C18orf63: variants seen among roughly 807,000 people sequenced by gnomAD.
C18orf63 encodes uncharacterized protein C18orf63.
C18orf63 carries 50 observed loss-of-function variants against 75.3 expected under a neutral mutation model. The ratio of observed to expected loss-of-function variants is 0.66; its 90% CI spans 0.53 to 0.84. C18orf63 has a LOEUF of 0.84. Ranked by LOEUF, C18orf63 falls within the 40% of genes least tolerant of loss-of-function variation. C18orf63 has a pLI of 0.00. For synonymous variants in C18orf63, 232 were observed against 267.6 expected, an observed-to-expected ratio of 0.87 and a Z score of 1.30; for missense variants, 732 against 800.2, an observed-to-expected ratio of 0.91 and a Z score of 1.03.
intron 7 of C18orf63, among the ~76,000 whole-genome samples, 183 bp downstream of exon 7, chr18:74,331,125 A>G (rs566126032): frequency 6.6e-6 from 1 of 152,262 alleles, no homozygotes; most frequent in South Asian, 2.1e-4. Flanking sequence ...TGCTTCCCCA[A>G]AGAAAATATT....
chr18:74,321,279 TTCCC>T (rs1315561784), intron 3 of C18orf63, among the ~76,000 whole-genome samples: 1 of 152,076 alleles, frequency 6.6e-6, no homozygotes, highest in African/African-American at 2.4e-5. Flanking sequence ...ACCTCGTATT[TTCCC>T]TCCCTCCCTC....
At chr18:74,335,810 C>T (rs1390084893) in intron 7 of C18orf63, among the ~76,000 whole-genome samples, 2 of 152,038 alleles carry the variant, frequency 1.3e-5, no homozygotes, top group African/African-American at 4.8e-5. Flanking sequence ...AGAGCATGCA[C>T]ACATAAAACT....
Position 74,342,240 on chromosome 18 carries a change from G to A in C18orf63, c.709-1G>A, listed in dbSNP as rs1385938030. On this transcript the variant is annotated splice_acceptor_variant, in intron 9 of 13. Transcript: ENST00000579455. LOFTEE classifies it high-confidence loss of function. ...TTTAAAATTTTGTGCTTAATTTTTA[G>A]TATGGCTATAAACTTCCAGGTGATT... 3 of 1,519,240 alleles carry A rather than the reference G, an allele frequency of 2.0e-6. No individual in the cohort carries two copies. Among genetic ancestry groups the A allele is most frequent in the Non-Finnish European group, 8.8e-7 (1 of 1,132,062 alleles). 94.1% of individuals were successfully genotyped at this position (1,519,240 alleles called of 1,614,324 possible). A position where few individuals can be genotyped will look rare whatever the true frequency, so the allele number is the denominator to read the frequency against.
chr18:74,345,118 T>C (rs1024665319), intron 11 of C18orf63, among the ~76,000 whole-genome samples: 1 of 152,158 alleles, frequency 6.6e-6, no homozygotes, highest in Non-Finnish European at 1.5e-5. Context: ...GTGTTTTTAA[T>C]TTGCATTTTC....
At chr18:74,343,742 C>T in intron 11 of C18orf63, 40 bp downstream of exon 11, 1 of 1,266,432 alleles carries the variant, frequency 7.9e-7, no homozygotes, top group African/African-American at 1.5e-5. Context: ...CCAAGACATA[C>T]TATCCATCTA....
Position 74,342,314 on chromosome 18 carries a change from AAAGG to A in C18orf63, c.784_787del (p.Arg262ProfsTer20), listed in dbSNP as rs1267935211. 5 of 1,526,614 alleles carry A rather than the reference AAAGG, an allele frequency of 3.3e-6. No individual in the cohort carries two copies. The African/African-American group carries it at 6.9e-5, about 21-fold the overall frequency. The allele number at this position is 1,526,614 out of a possible 1,614,324, so 94.6% of individuals were successfully genotyped here. On this transcript the variant is annotated frameshift_variant, in exon 10 of 14. Coordinates refer to ENST00000579455, the MANE Select transcript of C18orf63 (RefSeq NM_001174123.2). LOFTEE classifies it high-confidence loss of function. ...AACATCTATTTCAAAATGCTCGGAG[AAAGG>A]ACCTTCACATATCCTTTACACACCA...
rs193288063 is a variant in C18orf63, at chr18:74,323,211, G to A, written c.270+457G>A. Among the ~76,000 whole-genome samples the A allele has an allele frequency of 2.6e-5, 4 of 152,290 alleles. No individual in the cohort carries two copies. In the East Asian group the frequency reaches 7.7e-4, roughly 29 times the overall value. On this transcript the variant is annotated intron_variant, in intron 4 of 13. Transcript: ENST00000579455. ...TCTCTGTGTCTCAGTAAGTCATGAAGCCTTGACTAGAGCTCCTTTCATGCC... is the reference window on the plus strand; with the variant it reads ...TCTCTGTGTCTCAGTAAGTCATGAAACCTTGACTAGAGCTCCTTTCATGCC...
intron 11 of C18orf63, among the ~76,000 whole-genome samples, chr18:74,351,694 G>A (rs1278807603): frequency 6.6e-6 from 1 of 152,190 alleles, no homozygotes; most frequent in Non-Finnish European, 1.5e-5. Context: ...ATGTTGGTGT[G>A]ATTTGTTTAT....
chr18:74,321,315 C>T (rs1423385708), intron 3 of C18orf63, among the ~76,000 whole-genome samples: 1 of 150,928 alleles, frequency 6.6e-6, no homozygotes, highest in African/African-American at 2.4e-5. Flanking sequence ...CCCTTCCTTC[C>T]TTTTTTTGAG....
chr18:74,355,103 A>T (rs1207821226), intron 13 of C18orf63, among the ~76,000 whole-genome samples: 1 of 152,220 alleles, frequency 6.6e-6, no homozygotes, highest in African/African-American at 2.4e-5. Context: ...AAGAACAAAC[A>T]TATTACTAAA....
intron 6 of C18orf63, among the ~76,000 whole-genome samples, chr18:74,330,646 C>T (rs988097674): frequency 6.6e-6 from 1 of 152,022 alleles, no homozygotes; most frequent in Non-Finnish European, 1.5e-5. Context: ...CTGCACCCCC[C>T]ACACACATTC....
intron 11 of C18orf63, among the ~76,000 whole-genome samples, chr18:74,344,838 T>C (rs1027205054): frequency 6.6e-6 from 1 of 152,144 alleles, no homozygotes; most frequent in Non-Finnish European, 1.5e-5. Flanking sequence ...AATATTTGGA[T>C]TGTTTCTCTT....
intron 1 of C18orf63, among the ~76,000 whole-genome samples, chr18:74,317,557 ACT>A (rs2145112152): frequency 6.6e-6 from 1 of 152,330 alleles, no homozygotes; most frequent in South Asian, 2.1e-4. Context: ...TGGTTGCACA[ACT>A]CTGAATACAG....
chr18:74,322,797 G>A lies in C18orf63; in HGVS notation c.270+43G>A, dbSNP rs746596684. On this transcript the variant is annotated intron_variant, in intron 4 of 13. Transcript: ENST00000579455. ...ATATTAATACCATATGTTGTTTATA[G>A]GGATTATACGTTCCACTCCTTTTGT... 6.3e-6 allele frequency: 5 copies of A among 793,974 alleles called. No homozygotes were observed. In the East Asian group the frequency reaches 1.2e-4, roughly 18 times the overall value. The allele number at this position is 793,974 out of a possible 1,614,324, so 49.2% of individuals were successfully genotyped here.
chr18:74,329,382 A>C (rs990942431), intron 6 of C18orf63, among the ~76,000 whole-genome samples: 1 of 151,520 alleles, frequency 6.6e-6, no homozygotes, highest in Non-Finnish European at 1.5e-5. Context: ...TCAAAAAAAA[A>C]AAAAAAAAAA....
At chr18:74,332,596 G>A (rs1227848327) in intron 7 of C18orf63, among the ~76,000 whole-genome samples, 1 of 151,986 alleles carries the variant, frequency 6.6e-6, no homozygotes, top group Non-Finnish European at 1.5e-5. Context: ...CCAGCTACTC[G>A]GGAGGCTGGG....
intron 4 of C18orf63, among the ~76,000 whole-genome samples, chr18:74,327,239 A>G (rs564637588): frequency 1.3e-5 from 2 of 152,216 alleles, no homozygotes; most frequent in Non-Finnish European, 2.9e-5. Flanking sequence ...AGCAGGAGAC[A>G]AGATAAGGGT....
In C18orf63 at chr18:74,354,200, T is replaced by C. The variant is rs143057172; in HGVS notation, c.1933T>C (p.Ser645Pro). Residue 645 changes from serine (S) to proline (P), a missense_variant, in exon 12 of 14, where the codon TCC (serine) becomes CCC (proline). This residue lies in a region of C18orf63 where 495 missense variants were observed against 508.7 expected (regional missense o/e 0.97). Coordinates refer to ENST00000579455, the MANE Select transcript of C18orf63 (RefSeq NM_001174123.2). ...RSKRKLCPES[S>P]KTSKKHHSDT... ...TAAAAGAAAATTATGTCCAGAGTCT[T>C]CCAAAACTTCAAAGAAGCATCATTC... 7.9e-5 allele frequency: 121 copies of C among 1,536,062 alleles called. No homozygotes were observed. The African/African-American group carries it at 1.4e-3, about 18-fold the overall frequency.
Position 74,338,786 on chromosome 18 carries a change from A to C in C18orf63, c.573A>C (p.Arg191Ser), listed in dbSNP as rs1316223388. 7.1e-7 allele frequency: 1 copy of C among 1,417,874 alleles called. No individual in the cohort carries two copies. The highest frequency in any genetic ancestry group is 9.3e-7 in the Non-Finnish European group (1 of 1,073,756). The allele number at this position is 1,417,874 out of a possible 1,614,324, so 87.8% of individuals were successfully genotyped here. Reference sequence around the variant, plus strand: ...CTAACAAGCATGCTGTCATTGAGAGACATTCCATTTTAAGCAACTGGTGCT... The same window carrying C: ...CTAACAAGCATGCTGTCATTGAGAGCCATTCCATTTTAAGCAACTGGTGCT... ...FHANKHAVIE[R>S]HSILSNWCYV... Residue 191 changes from arginine to serine, a missense_variant, in exon 8 of 14, where the codon AGA becomes AGC. Coordinates refer to ENST00000579455, the MANE Select transcript of C18orf63 (RefSeq NM_001174123.2).
Sources: allele counts gnomAD v4.1 joint callset (sites outside exome capture counted in the v4.1 genomes callset), GRCh38; gene constraint gnomAD v4.1.1; regional missense constraint gnomAD v4.1.1; transcripts MANE v1.5; gene names NCBI Gene and HGNC (gene_info 2026-07-23, HGNC 2026-07-21).